The following ROBO2 variants were observed in gnomAD, a reference collection of about 807,000 sequenced individuals.
ROBO2 encodes roundabout guidance receptor 2.
ROBO2 carries 53 observed loss-of-function variants against 160.8 expected under a neutral mutation model. That is an observed-to-expected ratio of 0.33 (90% CI 0.26 to 0.41). The LOEUF (loss-of-function observed/expected upper bound fraction) is 0.41, where lower values mean the gene tolerates loss of function less well. Ranked by LOEUF, ROBO2 falls within the 10% of genes least tolerant of loss-of-function variation. ROBO2 has a pLI of 1.00. For synonymous variants in ROBO2, 664 were observed against 611.7 expected, an observed-to-expected ratio of 1.09 and a Z score of -1.26; for missense variants, 1,577 against 1,722.4, an observed-to-expected ratio of 0.92 and a Z score of 1.49.
intron 2 of ROBO2, among the ~76,000 whole-genome samples, chr3:77,027,242 G>A (rs561527976): frequency 2.0e-5 from 3 of 152,210 alleles, no homozygotes; most frequent in South Asian, 4.2e-4. Context: ...GATGACAATG[G>A]TGATGACAAC....
chr3:77,014,921 A>T (rs949599032), intron 2 of ROBO2, among the ~76,000 whole-genome samples: 2 of 152,100 alleles, frequency 1.3e-5, no homozygotes, highest in African/African-American at 4.8e-5. Flanking sequence ...TCATGTTTCT[A>T]TTCTTTAAAA....
chr3:76,011,294 G>C (rs1335001657), intron 2 of ROBO2, among the ~76,000 whole-genome samples: 1 of 152,140 alleles, frequency 6.6e-6, no homozygotes. Flanking sequence ...CCCCGCCATT[G>C]TTGAGATGCT....
chr3:77,271,524 TG>T (rs1419511816), intron 2 of ROBO2, among the ~76,000 whole-genome samples: 1 of 152,134 alleles, frequency 6.6e-6, no homozygotes, highest in Non-Finnish European at 1.5e-5. Context: ...CAGCATTGAG[TG>T]GGAGGAATTC....
intron 2 of ROBO2, among the ~76,000 whole-genome samples, chr3:77,188,609 G>C (rs950753316): frequency 2.0e-5 from 3 of 151,794 alleles, no homozygotes; most frequent in Non-Finnish European, 4.4e-5. Context: ...AATGTCTAGT[G>C]CTAAAACAAA....
At position 77,596,261 on chromosome 3, in the gene ROBO2, A is replaced by G. The variant is rs1021686073; in HGVS notation, c.2727-362A>G. Among the ~76,000 whole-genome samples, 6 of 152,284 alleles carry G rather than the reference A, an allele frequency of 3.9e-5. No individual in the cohort carries two copies. In the South Asian group the frequency reaches 1.2e-3, roughly 32 times the overall value. On this transcript the variant is annotated intron_variant, in intron 18 of 25. Transcript: ENST00000461745. ...GCAGGAATTGAGGAAGGAATAGCCC[A>G]AAGTCTTAGAAATGGCTGACATAGA... is the stretch of plus-strand genomic sequence containing the variant.
intron 2 of ROBO2, among the ~76,000 whole-genome samples, chr3:76,597,148 C>T (rs1900660): frequency 0.99 from 151,323 of 152,250 alleles, 75,206 homozygotes; most frequent in Middle Eastern, 1. Context: ...AAATGAAAAC[C>T]GTAAAACTAT....
rs375381925 is a variant in ROBO2, at chr3:77,546,307, T to A, written c.935-31T>A. 6 of 1,611,526 alleles carry A rather than the reference T, an allele frequency of 3.7e-6. No homozygotes were observed. The Admixed American group carries it at 5.0e-5, about 13-fold the overall frequency. ...TATTTTTATTTGTCTATGGTTGATA[T>A]TTACACGCTTTCTTTTCTTTTAAAT... On this transcript the variant is annotated intron_variant, in intron 6 of 25. Transcript: ENST00000461745.
chr3:76,807,258 T>C (rs760084476), intron 2 of ROBO2, among the ~76,000 whole-genome samples: 1 of 152,066 alleles, frequency 6.6e-6, no homozygotes, highest in Non-Finnish European at 1.5e-5. Context: ...CATAACAACC[T>C]GAACTTGTAG....
intron 2 of ROBO2, among the ~76,000 whole-genome samples, chr3:77,138,801 G>C (rs2076478378): frequency 6.6e-6 from 1 of 152,086 alleles, no homozygotes; most frequent in African/African-American, 2.4e-5. Flanking sequence ...GGAATAAACA[G>C]GACAATTGCA....
intron 2 of ROBO2, among the ~76,000 whole-genome samples, chr3:76,707,672 T>G (rs1376059995): frequency 6.7e-6 from 1 of 150,312 alleles, no homozygotes; most frequent in Non-Finnish European, 1.5e-5. Flanking sequence ...TCATGCCTAG[T>G]ACTTTGGTAA....
intron 2 of ROBO2, among the ~76,000 whole-genome samples, chr3:76,282,521 A>G (rs1708284242): frequency 1.3e-5 from 2 of 152,050 alleles, no homozygotes; most frequent in African/African-American, 4.8e-5. Context: ...AATGTTTATA[A>G]ATGTAATTGC....
intron 2 of ROBO2, among the ~76,000 whole-genome samples, chr3:76,759,512 C>T (rs1219510293): frequency 3.3e-5 from 5 of 151,338 alleles, no homozygotes; most frequent in Non-Finnish European, 7.4e-5. Flanking sequence ...AGAAGGTTGG[C>T]GATATGGCAC....
intron 2 of ROBO2, among the ~76,000 whole-genome samples, chr3:76,511,863 A>G (rs2081107659): frequency 6.6e-6 from 1 of 152,246 alleles, no homozygotes. Flanking sequence ...TGGGTATCAC[A>G]GGAGTTTTTA....
At chr3:77,393,474 T>C (rs973478034) in intron 2 of ROBO2, among the ~76,000 whole-genome samples, 2 of 151,648 alleles carry the variant, frequency 1.3e-5, no homozygotes, top group Non-Finnish European at 2.9e-5. Context: ...AAAAGTTACC[T>C]ATGATAACAG....
chr3:77,120,862 C>T (rs886842029), intron 2 of ROBO2, among the ~76,000 whole-genome samples: 2 of 152,176 alleles, frequency 1.3e-5, no homozygotes. Context: ...GTTTACCATA[C>T]TCCTTACCCT....
At chr3:76,202,972 C>T (rs539017347) in intron 2 of ROBO2, among the ~76,000 whole-genome samples, 20 of 151,608 alleles carry the variant, frequency 1.3e-4, no homozygotes, top group African/African-American at 4.6e-4. Context: ...GTGTGTAGTT[C>T]ATGAGTCCAA....
At chr3:76,205,139 T>C (rs543215075) in intron 2 of ROBO2, among the ~76,000 whole-genome samples, 1 of 152,208 alleles carries the variant, frequency 6.6e-6, no homozygotes, top group South Asian at 2.1e-4. Flanking sequence ...ATGATCCTCG[T>C]ATTTTTTCCT....
chr3:76,489,344 T>G (rs2079686357), intron 2 of ROBO2, among the ~76,000 whole-genome samples: 1 of 151,964 alleles, frequency 6.6e-6, no homozygotes, highest in African/African-American at 2.4e-5. Context: ...AGTGATATAG[T>G]AGGAAGGGCA....
At chr3:77,573,294 A>C (rs2093682173) in intron 13 of ROBO2, among the ~76,000 whole-genome samples, 1 of 151,934 alleles carries the variant, frequency 6.6e-6, no homozygotes, top group African/African-American at 2.4e-5. Flanking sequence ...CAACCATAAA[A>C]CCCTGGTAAA....
Sources: gnomAD v4.1 joint callset for allele counts (sites outside exome capture counted in the v4.1 genomes callset) on GRCh38, gnomAD v4.1.1 for gene constraint, MANE v1.5 for transcripts, NCBI Gene and HGNC (gene_info 2026-07-23, HGNC 2026-07-21) for gene names.